The following GLP2R variants were observed in gnomAD, a reference collection of about 807,000 sequenced individuals.
GLP2R encodes glucagon like peptide 2 receptor.
In GLP2R, 59 loss-of-function variants were observed where a neutral mutation model predicts 68.2. The ratio of observed to expected loss-of-function variants is 0.87; its 90% CI spans 0.70 to 1.07. The LOEUF (loss-of-function observed/expected upper bound fraction) is 1.07, where lower values mean the gene tolerates loss of function less well. GLP2R is among the 50% of genes least tolerant of loss of function. The probability of loss-of-function intolerance (pLI) is 0.00; values close to 1 mark genes in which losing one functional copy is unlikely to be tolerated. For synonymous variants in GLP2R, 270 were observed against 265.4 expected, an observed-to-expected ratio of 1.02 and a Z score of -0.17; for missense variants, 548 against 677.4, an observed-to-expected ratio of 0.81 and a Z score of 2.12.
intron 9 of GLP2R, among the ~76,000 whole-genome samples, chr17:9,869,184 A>G (rs1303725474): frequency 1.3e-5 from 2 of 152,216 alleles, no homozygotes; most frequent in East Asian, 1.9e-4. Flanking sequence ...TCCCCCAGGA[A>G]CTCTGAAACT....
At chr17:9,879,197 A>G (rs1002196255) in intron 10 of GLP2R, among the ~76,000 whole-genome samples, 2 of 151,634 alleles carry the variant, frequency 1.3e-5, no homozygotes, top group Non-Finnish European at 2.9e-5. Flanking sequence ...GGAGTAGTAT[A>G]TCACTTGAGG....
chr17:9,875,754 TCTC>T (rs2152046093), intron 10 of GLP2R, among the ~76,000 whole-genome samples: 1 of 152,350 alleles, frequency 6.6e-6, no homozygotes, highest in Non-Finnish European at 1.5e-5. Context: ...CAGCTGGAGT[TCTC>T]TGTTCTTTGT....
chr17:9,828,607 A>T (rs1358862038), intron 1 of GLP2R, among the ~76,000 whole-genome samples: 1 of 152,130 alleles, frequency 6.6e-6, no homozygotes, highest in African/African-American at 2.4e-5. Flanking sequence ...TGGGCAAATT[A>T]AGCTTCAGAG....
chr17:9,842,673 G>T (rs1360284941), intron 4 of GLP2R, 57 bp downstream of exon 4: 35 of 1,596,338 alleles, frequency 2.2e-5, no homozygotes, highest in Non-Finnish European at 2.9e-5. Flanking sequence ...CCTCCTTCGG[G>T]ACACCCCAGT....
chr17:9,876,065 C>T (rs1038231304), intron 10 of GLP2R, among the ~76,000 whole-genome samples: 4 of 152,070 alleles, frequency 2.6e-5, no homozygotes, highest in Non-Finnish European at 5.9e-5. Context: ...TTAGTAGAGA[C>T]GGAGTTTCTC....
rs1280713492 is a variant in GLP2R at position 9,871,991 on chromosome 17, G to A, written c.1145+1156G>A. Among the ~76,000 whole-genome samples the A allele has an allele frequency of 4.6e-5, 7 of 152,230 alleles. No individual in the cohort carries two copies. The East Asian group carries it at 1.4e-3, about 30-fold the overall frequency. Reference sequence around the variant, plus strand: ...ACTAGCCTTGGCCTCCCAAAGTGCTGGGATTACAGGCGTGAGCCACCACAC... The same window carrying A: ...ACTAGCCTTGGCCTCCCAAAGTGCTAGGATTACAGGCGTGAGCCACCACAC... On this transcript the variant is annotated intron_variant, in intron 10 of 12. Coordinates refer to ENST00000262441, the MANE Select transcript of GLP2R (RefSeq NM_004246.3).
At chr17:9,833,355 T>G (rs2066698271) in intron 1 of GLP2R, among the ~76,000 whole-genome samples, 1 of 145,744 alleles carries the variant, frequency 6.9e-6, no homozygotes, top group Non-Finnish European at 1.5e-5. Context: ...ATCTGTCTAC[T>G]CAGAGCCTTT....
At position 9,854,476 on chromosome 17, in the gene GLP2R, G is replaced by T. The variant is rs147814773; in HGVS notation, c.505-19G>T. The stretch of plus-strand genomic sequence containing the variant: ...GCCCCATGGCTTAGTGGTCATGTCT[G>T]CTCTTCCTCTGTGTTCAGGTGGATC... On this transcript the variant is annotated intron_variant, in intron 4 of 12. Coordinates refer to ENST00000262441, the MANE Select transcript of GLP2R (RefSeq NM_004246.3). 2 of 1,491,804 alleles carry T rather than the reference G, an allele frequency of 1.3e-6. No individual in the cohort carries two copies. The highest frequency in any genetic ancestry group is 1.9e-6 in the Non-Finnish European group (2 of 1,068,342). 92.4% of individuals were successfully genotyped at this position (1,491,804 alleles called of 1,614,324 possible).
intron 9 of GLP2R, 73 bp downstream of exon 9, chr17:9,862,163 T>C: frequency 9.4e-7 from 1 of 1,068,436 alleles, no homozygotes; most frequent in Non-Finnish European, 1.5e-6. Flanking sequence ...CCCACCCGAC[T>C]TCTGTCCCCC....
At chr17:9,836,039 C>CAAAAAAAAAAA (rs10706067) in intron 2 of GLP2R, among the ~76,000 whole-genome samples, 4 of 87,202 alleles carry the variant, frequency 4.6e-5, no homozygotes, top group African/African-American at 9.3e-5. Flanking sequence ...ACTCCATCTC[C>CAAAAAAAAAAA]AAAAAAAAAA....
At chr17:9,879,975 C>T (rs1483327802) in intron 10 of GLP2R, among the ~76,000 whole-genome samples, 3 of 151,976 alleles carry the variant, frequency 2.0e-5, no homozygotes, top group Non-Finnish European at 4.4e-5. Context: ...GTTGAAAGTC[C>T]GGAGTAAAGA....
intron 11 of GLP2R, 119 bp downstream of exon 11, chr17:9,880,635 T>C: frequency 3.0e-6 from 2 of 663,838 alleles, no homozygotes; most frequent in Non-Finnish European, 5.0e-6. Flanking sequence ...ATCAGCAGCC[T>C]TTATCAGTAA....
At chr17:9,844,249 G>A (rs531005736) in intron 4 of GLP2R, among the ~76,000 whole-genome samples, 3 of 152,304 alleles carry the variant, frequency 2.0e-5, no homozygotes, top group South Asian at 4.1e-4. Context: ...GAAGGACTTA[G>A]GACTTTGTAT....
In GLP2R at chr17:9,875,085, G is replaced by T. The variant is rs1331457540; in HGVS notation, c.1145+4250G>T. On this transcript the variant is annotated intron_variant, in intron 10 of 12. Coordinates refer to ENST00000262441, the MANE Select transcript of GLP2R (RefSeq NM_004246.3). The stretch of plus-strand genomic sequence containing the variant: ...CTAATGCTTATTCATTAGCAAAAAG[G>T]CAGGGACCTATCTCTCAGGACACAC... Among the ~76,000 whole-genome samples, 5 of 152,140 alleles carry T rather than the reference G, an allele frequency of 3.3e-5. No individual in the cohort carries two copies. The East Asian group carries it at 7.7e-4, about 23-fold the overall frequency.
chr17:9,831,342 C>T (rs2066677698), intron 1 of GLP2R, among the ~76,000 whole-genome samples: 1 of 152,124 alleles, frequency 6.6e-6, no homozygotes, highest in Non-Finnish European at 1.5e-5. Flanking sequence ...TAACTCCAGC[C>T]CTGTGCTGGG....
In GLP2R at chr17:9,826,573, C is replaced by A. The variant is rs112266050; in HGVS notation, c.189+321C>A. 1.8e-4 allele frequency among the ~76,000 whole-genome samples: 27 copies of A among 152,308 alleles called. 1 individual carries two copies. The highest frequency in any genetic ancestry group is 6.3e-4 in the African/African-American group (26 of 41,568). On this transcript the variant is annotated intron_variant, in intron 1 of 12. Coordinates refer to ENST00000262441, the MANE Select transcript of GLP2R (RefSeq NM_004246.3). ...ACGTCAATGTGAGTTCTGCAAATAG[C>A]ATTTACAATTGCTGCACATATCCTT...
At position 9,889,462 on chromosome 17, in the gene GLP2R, C is replaced by T. The variant is rs1266307977; in HGVS notation, c.1419C>T (p.Phe473=). Residue 473 remains phenylalanine (F), a synonymous_variant, in exon 13 of 13, where the codon TTC becomes TTT. Coordinates refer to ENST00000262441, the MANE Select transcript of GLP2R (RefSeq NM_004246.3). ...RACVLGKDFR[F]LGKCPKKLSE... Reference sequence around the variant, plus strand: ...GTGTCCTGGGGAAGGACTTCCGGTTCCTAGGAAAATGTCCCAAGAAGCTCT... The same window carrying T: ...GTGTCCTGGGGAAGGACTTCCGGTTTCTAGGAAAATGTCCCAAGAAGCTCT... 1 of 1,614,112 alleles carries T rather than the reference C, an allele frequency of 6.2e-7. No individual in the cohort carries two copies. Among genetic ancestry groups the T allele is most frequent in the South Asian group, 1.1e-5 (1 of 91,080 alleles).
At position 9,871,126 on chromosome 17, in the gene GLP2R, G is replaced by T. The variant is rs562748389; in HGVS notation, c.1145+291G>T. ...CTCAGACCTGTAATCCCAGGACTTTGGGAGGCTGGGACAAGAGGATTACTT... is the reference window on the plus strand; with the variant it reads ...CTCAGACCTGTAATCCCAGGACTTTTGGAGGCTGGGACAAGAGGATTACTT... On this transcript the variant is annotated intron_variant, in intron 10 of 12. Coordinates refer to ENST00000262441, the MANE Select transcript of GLP2R (RefSeq NM_004246.3). 3.3e-5 allele frequency among the ~76,000 whole-genome samples: 5 copies of T among 152,270 alleles called. No homozygotes were observed. In the East Asian group the frequency reaches 9.6e-4, roughly 29 times the overall value.
At chr17:9,835,092 G>A (rs918714081) in intron 2 of GLP2R, among the ~76,000 whole-genome samples, 3 of 141,180 alleles carry the variant, frequency 2.1e-5, no homozygotes, top group South Asian at 2.4e-4. Context: ...GCAGTGGCGC[G>A]ATCTCAGCTC....
Sources: allele counts gnomAD v4.1 joint callset (sites outside exome capture counted in the v4.1 genomes callset), GRCh38; gene constraint gnomAD v4.1.1; transcripts MANE v1.5; gene names NCBI Gene and HGNC (gene_info 2026-07-23, HGNC 2026-07-21).